Variants in ARPP21 observed in about 807,000 individuals in gnomAD.
ARPP21 encodes cAMP regulated phosphoprotein 21, also known as cAMP-regulated phosphoprotein 21.
Under a neutral mutation model 113.2 loss-of-function variants are expected in ARPP21, and 69 were observed. That is an observed-to-expected ratio of 0.61 (90% confidence interval 0.50 to 0.74). ARPP21 has a LOEUF of 0.74. Among genes scored for constraint, ARPP21 ranks in the 30% least tolerant of loss-of-function variants. The pLI, the probability that ARPP21 is intolerant of heterozygous loss-of-function variation, is 0.00. For synonymous variants in ARPP21, 368 were observed against 375.5 expected, an observed-to-expected ratio of 0.98 and a Z score of 0.23; for missense variants, 1,070 against 1,037.4, an observed-to-expected ratio of 1.03 and a Z score of -0.43.
chr3:35,652,918 C>T (rs1703042864), intron 1 of ARPP21, among the ~76,000 whole-genome samples: 1 of 151,950 alleles, frequency 6.6e-6, no homozygotes, highest in East Asian at 1.9e-4. Flanking sequence ...CTTGTTTCTC[C>T]AGGCAAAAAT....
chr3:35,739,624 C>T, intron 18 of ARPP21, 47 bp downstream of exon 18: 1 of 1,551,006 alleles, frequency 6.4e-7, no homozygotes, highest in African/African-American at 1.4e-5. Context: ...ATTTCTGATG[C>T]ATTTTGACCT....
intron 17 of ARPP21, among the ~76,000 whole-genome samples, chr3:35,738,972 G>A (rs2094511208): frequency 6.6e-6 from 1 of 152,150 alleles, no homozygotes. Context: ...CTGCTGGGAA[G>A]ACAAGCTGAC....
At chr3:35,688,960 G>A (rs1383410316) in intron 6 of ARPP21, among the ~76,000 whole-genome samples, 1 of 151,068 alleles carries the variant, frequency 6.6e-6, no homozygotes, top group Non-Finnish European at 1.5e-5. Context: ...CTCTCTGTAG[G>A]TGGGAGTTCT....
chr3:35,763,991 C>T (rs184877346), intron 19 of ARPP21, among the ~76,000 whole-genome samples: 24 of 151,972 alleles, frequency 1.6e-4, no homozygotes, highest in Admixed American at 1.1e-3. Flanking sequence ...TAGGGAAATC[C>T]CCATATCTCC....
intron 1 of ARPP21, among the ~76,000 whole-genome samples, chr3:35,667,813 G>A (rs1383413303): frequency 7.1e-6 from 1 of 141,840 alleles, no homozygotes; most frequent in Non-Finnish European, 1.5e-5. Flanking sequence ...AGTAAGTCTT[G>A]AAGATCACCT....
intron 19 of ARPP21, among the ~76,000 whole-genome samples, chr3:35,783,924 C>A (rs2096578303): frequency 6.6e-6 from 1 of 152,110 alleles, no homozygotes; most frequent in African/African-American, 2.4e-5. Flanking sequence ...TCCACATTGC[C>A]CTACCCCATT....
intron 2 of ARPP21, chr3:35,681,126 T>C (rs1341616004): frequency 2.0e-5 from 3 of 151,848 alleles, no homozygotes; most frequent in African/African-American, 7.2e-5. Context: ...ATGTTTTTAA[T>C]AATGTAGCTG....
At chr3:35,749,241 A>T (rs2095309156) in intron 19 of ARPP21, among the ~76,000 whole-genome samples, 1 of 152,248 alleles carries the variant, frequency 6.6e-6, no homozygotes, top group East Asian at 1.9e-4. Context: ...TGTAGAGATG[A>T]TCAATAACAA....
intron 19 of ARPP21, among the ~76,000 whole-genome samples, chr3:35,755,435 G>T (rs912319843): frequency 6.6e-6 from 1 of 151,670 alleles, no homozygotes; most frequent in Non-Finnish European, 1.5e-5. Flanking sequence ...AATAAAATTT[G>T]CACTTCAAAC....
rs913344170 is a variant in ARPP21, at chr3:35,652,880, G to A, written c.-213+12482G>A. Among the ~76,000 whole-genome samples the A allele has an allele frequency of 2.6e-5, 4 of 151,954 alleles. No individual in the cohort carries two copies. The East Asian group carries it at 7.7e-4, about 29-fold the overall frequency. On this transcript the variant is annotated intron_variant, in intron 1 of 20. Transcript: ENST00000684406. ...CTGCTCTGCGGGAATTACTTCACTT[G>A]GCTTGCTCTTTCTGCACTCTGAATT...
chr3:35,660,899 G>T (rs2166788), intron 1 of ARPP21, among the ~76,000 whole-genome samples: 94,120 of 151,940 alleles, frequency 0.62, 29,629 homozygotes, highest in African/African-American at 0.73. Flanking sequence ...TCATTTGGAA[G>T]TCACTGCTTA....
intron 8 of ARPP21, 96 bp from the exon 9 acceptor site, chr3:35,690,769 A>T (rs1419306613): frequency 8.6e-7 from 1 of 1,165,958 alleles, no homozygotes; most frequent in East Asian, 2.7e-5. Context: ...AGTGGTTTAG[A>T]TGAAGAAGAA....
rs190537560 is a variant in ARPP21 at position 35,695,452 on chromosome 3, A to G, written c.686+4447A>G. Among the ~76,000 whole-genome samples, 10 of 151,704 alleles carry G rather than the reference A, an allele frequency of 6.6e-5. No homozygotes were observed. In the East Asian group the frequency reaches 1.8e-3, roughly 27 times the overall value. ...CATGTCCTCAAACGTTTTACACTAT[A>G]GTTATAGTGGGGGAATAACTTCAGA... On this transcript the variant is annotated intron_variant, in intron 9 of 20. Transcript: ENST00000684406.
intron 9 of ARPP21, among the ~76,000 whole-genome samples, chr3:35,698,991 G>A (rs757980865): frequency 6.6e-6 from 1 of 151,636 alleles, no homozygotes; most frequent in African/African-American, 2.4e-5. Flanking sequence ...TCAAGTGTTC[G>A]GTACTGCGCT....
At chr3:35,781,279 T>A (rs1373868398) in intron 19 of ARPP21, among the ~76,000 whole-genome samples, 1 of 152,194 alleles carries the variant, frequency 6.6e-6, no homozygotes, top group African/African-American at 2.4e-5. Context: ...TTGAATGCCT[T>A]GAGTTGAAGG....
At chr3:35,639,326 C>A (rs1697442309), upstream of ARPP21, among the ~76,000 whole-genome samples, 1 of 152,052 alleles carries the variant, frequency 6.6e-6, no homozygotes, top group Non-Finnish European at 1.5e-5. The surrounding 1 kb of genome is among the most constrained non-coding windows in gnomAD (Gnocchi z 5.0). Context: ...TGGCAGGCGT[C>A]CGGCTGCCGC....
At chr3:35,732,176 A>G (rs1281889192) in intron 15 of ARPP21, among the ~76,000 whole-genome samples, 1 of 152,170 alleles carries the variant, frequency 6.6e-6, no homozygotes, top group East Asian at 1.9e-4. Context: ...AAGACAAGTA[A>G]TGATTTAAAA....
intron 1 of ARPP21, among the ~76,000 whole-genome samples, chr3:35,658,094 T>C (rs1705856037): frequency 6.6e-6 from 1 of 152,128 alleles, no homozygotes; most frequent in African/African-American, 2.4e-5. Context: ...TTTACATGGT[T>C]TGGCATCTTT....
intron 5 of ARPP21, chr3:35,685,732 A>G: frequency 2.0e-6 from 2 of 980,578 alleles, no homozygotes; most frequent in Non-Finnish European, 2.4e-6. Context: ...CTAATGTTAT[A>G]CTATTTACCT....
Sources: allele counts gnomAD v4.1 joint callset (sites outside exome capture counted in the v4.1 genomes callset), GRCh38; gene constraint gnomAD v4.1.1; non-coding constraint Gnocchi (gnomAD v3.1); transcripts MANE v1.5; gene names NCBI Gene and HGNC (gene_info 2026-07-23, HGNC 2026-07-21).